SGCZ: variants seen among roughly 807,000 people sequenced by gnomAD.
SGCZ encodes the protein sarcoglycan zeta.
SGCZ carries 40 observed loss-of-function variants against 41.3 expected under a neutral mutation model. The ratio of observed to expected loss-of-function variants is 0.97; its 90% CI spans 0.75 to 1.26. The LOEUF (loss-of-function observed/expected upper bound fraction) is 1.26, where lower values mean the gene tolerates loss of function less well. SGCZ is among the 50% of genes most tolerant of loss of function. SGCZ has a pLI of 0.00. For synonymous variants in SGCZ, 206 were observed against 137.5 expected, an observed-to-expected ratio of 1.50 and a Z score of -3.49; for missense variants, 552 against 369.8, an observed-to-expected ratio of 1.49 and a Z score of -4.04.
intron 1 of SGCZ, among the ~76,000 whole-genome samples, chr8:15,113,123 C>T (rs56259177): frequency 0.2 from 30,682 of 150,616 alleles, 3,589 homozygotes; most frequent in Non-Finnish European, 0.27. Flanking sequence ...GTGGGAGCAG[C>T]GCTTGAGTCC....
intron 2 of SGCZ, 32 bp from the exon 3 acceptor site, chr8:14,324,236 G>A (rs375749919): frequency 6.7e-7 from 1 of 1,488,344 alleles, no homozygotes; most frequent in Non-Finnish European, 9.4e-7. Flanking sequence ...TCACTTTTAG[G>A]TTAATTGGAG....
At chr8:14,196,958 G>C (rs1805284993) in intron 4 of SGCZ, among the ~76,000 whole-genome samples, 2 of 152,004 alleles carry the variant, frequency 1.3e-5, no homozygotes, top group South Asian at 4.1e-4. Context: ...AGGCATATAG[G>C]ACAGGAAAAT....
chr8:14,567,028 C>G (rs889852654), intron 1 of SGCZ, among the ~76,000 whole-genome samples: 1 of 152,222 alleles, frequency 6.6e-6, no homozygotes, highest in African/African-American at 2.4e-5. Flanking sequence ...GCAGTGCCGG[C>G]TCCCCGGGGC....
intron 1 of SGCZ, among the ~76,000 whole-genome samples, chr8:14,569,016 T>C (rs924163231): frequency 1.1e-4 from 16 of 152,208 alleles, no homozygotes; most frequent in Non-Finnish European, 1.5e-5. Context: ...TTTCTTATCA[T>C]GTATTGTGCC....
intron 2 of SGCZ, among the ~76,000 whole-genome samples, chr8:14,525,706 AG>A (rs1802927156): frequency 6.6e-6 from 1 of 152,214 alleles, no homozygotes; most frequent in East Asian, 1.9e-4. Flanking sequence ...GCAAAGAAGA[AG>A]TATTGTCTTC....
At chr8:14,428,591 G>A (rs986257320) in intron 2 of SGCZ, among the ~76,000 whole-genome samples, 8 of 152,140 alleles carry the variant, frequency 5.3e-5, no homozygotes, top group African/African-American at 9.7e-5. Context: ...CTACTGATCC[G>A]TGAAAGTTTA....
At chr8:14,930,460 A>G (rs1430513893) in intron 1 of SGCZ, among the ~76,000 whole-genome samples, 1 of 152,024 alleles carries the variant, frequency 6.6e-6, no homozygotes, top group East Asian at 1.9e-4. Flanking sequence ...TAGAAATACC[A>G]TTTGACTCAG....
At chr8:14,273,676 T>C (rs1412692885) in intron 3 of SGCZ, among the ~76,000 whole-genome samples, 1 of 152,184 alleles carries the variant, frequency 6.6e-6, no homozygotes, top group African/African-American at 2.4e-5. Flanking sequence ...ACATTTAAAC[T>C]ACTGCTATGA....
chr8:14,678,698 G>A (rs1392827537), intron 1 of SGCZ, among the ~76,000 whole-genome samples: 1 of 152,058 alleles, frequency 6.6e-6, no homozygotes, highest in Non-Finnish European at 1.5e-5. Context: ...TTCCTCAAAA[G>A]GAATTGAAAA....
chr8:15,202,067 G>T (rs1432600159), intron 1 of SGCZ, among the ~76,000 whole-genome samples: 2 of 152,064 alleles, frequency 1.3e-5, no homozygotes, highest in Non-Finnish European at 2.9e-5. Flanking sequence ...TCCACATCAA[G>T]ATCAGAAAAA....
intron 1 of SGCZ, among the ~76,000 whole-genome samples, chr8:15,057,083 T>C (rs1804736303): frequency 6.6e-6 from 1 of 152,192 alleles, no homozygotes; most frequent in African/African-American, 2.4e-5. Flanking sequence ...GCACATGCTC[T>C]GGCATCGCTG....
At chr8:14,582,629 G>C (rs1376638348) in intron 1 of SGCZ, among the ~76,000 whole-genome samples, 1 of 149,078 alleles carries the variant, frequency 6.7e-6, no homozygotes, top group Non-Finnish European at 1.5e-5. Flanking sequence ...TTTAGCATTA[G>C]GTATATCTCC....
intron 1 of SGCZ, among the ~76,000 whole-genome samples, chr8:14,816,828 G>A (rs113518528): frequency 7.9e-5 from 12 of 152,154 alleles, no homozygotes; most frequent in African/African-American, 2.2e-4. Flanking sequence ...TTACCAAAAT[G>A]CACCAAACAG....
At chr8:14,374,421 T>A (rs1460300459) in intron 2 of SGCZ, among the ~76,000 whole-genome samples, 2 of 152,320 alleles carry the variant, frequency 1.3e-5, no homozygotes, top group South Asian at 2.1e-4. Context: ...ATATGAAAGT[T>A]GATTTATAAA....
intron 1 of SGCZ, among the ~76,000 whole-genome samples, chr8:14,645,727 C>G (rs963276660): frequency 2.6e-5 from 4 of 151,464 alleles, no homozygotes; most frequent in African/African-American, 9.7e-5. Flanking sequence ...CACACACATT[C>G]TGTTTTAATA....
At chr8:14,658,534 T>C (rs945078885) in intron 1 of SGCZ, among the ~76,000 whole-genome samples, 1 of 152,108 alleles carries the variant, frequency 6.6e-6, no homozygotes, top group African/African-American at 2.4e-5. Context: ...TGACCTGTTA[T>C]GCTTTTCCCT....
intron 1 of SGCZ, among the ~76,000 whole-genome samples, chr8:14,997,760 G>C (rs1173102994): frequency 6.6e-6 from 1 of 152,144 alleles, no homozygotes; most frequent in Non-Finnish European, 1.5e-5. Context: ...AGGAGTGAGA[G>C]ACCAGCCTGG....
intron 1 of SGCZ, among the ~76,000 whole-genome samples, chr8:14,926,909 G>T (rs1029183866): frequency 6.6e-6 from 1 of 152,064 alleles, no homozygotes; most frequent in Non-Finnish European, 1.5e-5. Flanking sequence ...AAAGTGTTGG[G>T]ATTACAGGCG....
intron 1 of SGCZ, among the ~76,000 whole-genome samples, chr8:15,056,174 A>G (rs1263225617): frequency 6.6e-6 from 1 of 152,232 alleles, no homozygotes; most frequent in Non-Finnish European, 1.5e-5. Context: ...ATTGCTGTTT[A>G]TAACACTAAT....
Sources: allele counts gnomAD v4.1 joint callset (sites outside exome capture counted in the v4.1 genomes callset), GRCh38; gene constraint gnomAD v4.1.1; transcripts MANE v1.5; gene names NCBI Gene and HGNC (gene_info 2026-07-23, HGNC 2026-07-21).